ARHGAP20: variants seen among roughly 807,000 people sequenced by gnomAD.
ARHGAP20 encodes the protein Rho GTPase activating protein 20.
ARHGAP20 carries 34 observed loss-of-function variants against 73.7 expected under a neutral mutation model. The ratio of observed to expected loss-of-function variants is 0.46; its 90% CI spans 0.35 to 0.61. The LOEUF is 0.61. Ranked by LOEUF, ARHGAP20 falls within the 20% of genes least tolerant of loss-of-function variation. ARHGAP20 has a pLI of 0.00. For synonymous variants in ARHGAP20, 523 were observed against 518.2 expected (o/e 1.01, Z -0.13); for missense variants, 1,314 against 1,420.9 (o/e 0.92, Z 1.21).
At chr11:110,599,543 G>A (rs1179345859) in intron 9 of ARHGAP20, among the ~76,000 whole-genome samples, 1 of 152,184 alleles carries the variant, frequency 6.6e-6, no homozygotes, top group Non-Finnish European at 1.5e-5. Context: ...GGCAGAAGGG[G>A]GTGAGTCCCT....
At chr11:110,586,385 G>C in intron 11 of ARHGAP20, 60 bp from the exon 12 acceptor site, 2 of 1,072,948 alleles carry the variant, frequency 1.9e-6, no homozygotes, top group East Asian at 2.6e-5. Flanking sequence ...ATATGTATTA[G>C]AGAAAGTAGA....
At chr11:110,621,956 C>A (rs895282256) in intron 4 of ARHGAP20, among the ~76,000 whole-genome samples, 1 of 152,192 alleles carries the variant, frequency 6.6e-6, no homozygotes, top group South Asian at 2.1e-4. Flanking sequence ...CGGCTCAGTT[C>A]GATTCTTTCA....
intron 9 of ARHGAP20, among the ~76,000 whole-genome samples, chr11:110,597,728 T>C (rs973081123): frequency 6.6e-6 from 1 of 152,228 alleles, no homozygotes; most frequent in African/African-American, 2.4e-5. Flanking sequence ...GAGGATAAAG[T>C]AGAAATTGAG....
chr11:110,611,505 C>A (rs3737492), intron 6 of ARHGAP20, 119 bp from the exon 7 acceptor site: 148,401 of 507,208 alleles, frequency 0.29, 23,320 homozygotes, highest in African/African-American at 0.43. Context: ...TGGACAAAGT[C>A]AAGCATAAGA....
rs565871345 is a variant in ARHGAP20 at position 110,627,715 on chromosome 11, C to T, written c.353+2913G>A. Among the ~76,000 whole-genome samples, 103 of 152,158 alleles carry T rather than the reference C, an allele frequency of 6.8e-4. 3 individuals are homozygous for T. Among genetic ancestry groups the T allele is most frequent in the Non-Finnish European group, 1.5e-4 (10 of 68,012 alleles). On this transcript the variant is annotated intron_variant, in intron 3 of 14. Coordinates refer to ENST00000683387, the MANE Select transcript of ARHGAP20 (RefSeq NM_001384657.1). ...AAAATATGATAATAGTGATGGCTTA[C>T]GAGGGTGTGAGGTAAATACAGTCAT...
chr11:110,630,493 G>T, intron 3 of ARHGAP20, 135 bp downstream of exon 3: 1 of 906,788 alleles, frequency 1.1e-6, no homozygotes, highest in Non-Finnish European at 1.7e-6. Context: ...GCAATGAAGG[G>T]CATAAAATCA....
At position 110,582,530 on chromosome 11, in the gene ARHGAP20, A is replaced by T. The variant is rs544516063; in HGVS notation, c.1606-95T>A. ...AATCCTGATTTTTAACAAAAACCAC[A>T]TCTACCCAGAGAAAAATTCATATCG... On this transcript the variant is annotated intron_variant, in intron 13 of 14. Transcript: ENST00000683387. 5.9e-4 allele frequency: 429 copies of T among 726,326 alleles called. 1 individual carries two copies. The highest frequency in any genetic ancestry group is 1.5e-3 in the Admixed American group (56 of 37,406). 45.0% of individuals were successfully genotyped at this position (726,326 alleles called of 1,614,324 possible).
intron 11 of ARHGAP20, among the ~76,000 whole-genome samples, chr11:110,587,041 A>G (rs937355805): frequency 2.0e-5 from 3 of 152,206 alleles, no homozygotes; most frequent in African/African-American, 7.2e-5. Context: ...ACCCTATTCT[A>G]CTGAGACCAC....
At chr11:110,627,482 T>A (rs1034098506) in intron 3 of ARHGAP20, among the ~76,000 whole-genome samples, 2 of 152,206 alleles carry the variant, frequency 1.3e-5, no homozygotes, top group East Asian at 3.8e-4. Flanking sequence ...ATCTTCATAC[T>A]GGAAAAAATT....
intron 2 of ARHGAP20, among the ~76,000 whole-genome samples, chr11:110,648,529 G>C (rs1949278722): frequency 6.8e-6 from 1 of 146,484 alleles, no homozygotes; most frequent in Non-Finnish European, 1.5e-5. Flanking sequence ...CTGTTGCCCA[G>C]GCTGAAGTGC....
intron 2 of ARHGAP20, among the ~76,000 whole-genome samples, chr11:110,681,009 G>T (rs984580241): frequency 6.6e-6 from 1 of 152,094 alleles, no homozygotes; most frequent in Non-Finnish European, 1.5e-5. Context: ...GTGGGGTTTT[G>T]CAGGCTACTG....
intron 1 of ARHGAP20, chr11:110,711,671 G>T: frequency 6.8e-7 from 1 of 1,463,964 alleles, no homozygotes; most frequent in South Asian, 1.3e-5. Context: ...CTTCAGCGCC[G>T]GCTGCCGCTC....
Position 110,609,004 on chromosome 11 carries a change from T to C in ARHGAP20, c.755A>G (p.Glu252Gly). ...YQLWVNSGKEEAPYPLIGHEY... is the reference protein window; with the variant it reads ...YQLWVNSGKEGAPYPLIGHEY... Reference sequence around the variant, plus strand: ...CTTACCAATGAGTGGGTATGGAGCCTCTTCTTTGCCAGAATTGACCCACAA... The same window carrying C: ...CTTACCAATGAGTGGGTATGGAGCCCCTTCTTTGCCAGAATTGACCCACAA... Residue 252 changes from glutamate (E) to glycine (G), a missense_variant, in exon 8 of 15, where the codon GAG (glutamate) becomes GGG (glycine). Physicochemically the swap from Glu to Gly is moderately conservative, Grantham distance 98. Transcript: ENST00000683387. The C allele has an allele frequency of 6.2e-7, 1 of 1,613,720 alleles. No homozygotes were observed. The highest frequency in any genetic ancestry group is 8.5e-7 in the Non-Finnish European group (1 of 1,179,680).
At chr11:110,678,023 T>C (rs1380566560) in intron 2 of ARHGAP20, among the ~76,000 whole-genome samples, 4 of 152,330 alleles carry the variant, frequency 2.6e-5, no homozygotes, top group African/African-American at 9.6e-5. Flanking sequence ...TACCTATCTA[T>C]AAAACAGAAA....
At chr11:110,689,685 A>G (rs1950204730) in intron 2 of ARHGAP20, among the ~76,000 whole-genome samples, 1 of 152,130 alleles carries the variant, frequency 6.6e-6, no homozygotes, top group South Asian at 2.1e-4. Context: ...CCATCAGTTG[A>G]TGGTCGGTGG....
At chr11:110,667,613 A>C (rs1231373047) in intron 2 of ARHGAP20, among the ~76,000 whole-genome samples, 1 of 152,174 alleles carries the variant, frequency 6.6e-6, no homozygotes, top group African/African-American at 2.4e-5. Flanking sequence ...TTTGACTTTC[A>C]AGTCTTATAG....
rs1254398124 is a variant in ARHGAP20, at chr11:110,583,729, T to C, written c.1424A>G (p.Asp475Gly). ...EKINTVQRLL[D>G]QLPRANVVLL... ...AACAACATTGGCTCTCGGAAGCTGG[T>C]CTAATAGCCTAAAGACAGAAAAATT... Residue 475 changes from aspartate (D) to glycine (G), a missense_variant, in exon 13 of 15, where the codon GAC (aspartate) becomes GGC (glycine). Physicochemically the swap from Asp to Gly is moderately conservative, Grantham distance 94 (BLOSUM62 -1). Around this residue, in one of 3 missense-constraint regions of ARHGAP20, gnomAD observed 230 missense variants for 317.6 expected, o/e 0.72. Transcript: ENST00000683387. The C allele has an allele frequency of 6.4e-7, 1 of 1,572,984 alleles. No individual in the cohort carries two copies.
rs754234739 is a variant in ARHGAP20 at position 110,630,789 on chromosome 11, G to A, written c.192C>T (p.Asp64=). The A allele has an allele frequency of 1.9e-6, 3 of 1,613,628 alleles. No homozygotes were observed. The South Asian group carries it at 3.3e-5, about 18-fold the overall frequency. ...ATGTGTCAACACTAGCAGAAGGACT[G>A]TCCCTGTAACAGATCAAATGCCACA... ...KALQKRPTTR[D]SPSASVDTCT... The change falls in exon 3 of 15, where the codon GAC becomes GAT. Residue 64 remains aspartate, a synonymous_variant. Coordinates refer to ENST00000683387, the MANE Select transcript of ARHGAP20 (RefSeq NM_001384657.1).
At chr11:110,651,281 G>A (rs1055000287) in intron 2 of ARHGAP20, among the ~76,000 whole-genome samples, 1 of 151,850 alleles carries the variant, frequency 6.6e-6, no homozygotes, top group Admixed American at 6.6e-5. Flanking sequence ...ACATCAAAAA[G>A]CTAGACAGAT....
Sources: allele counts gnomAD v4.1 joint callset (sites outside exome capture counted in the v4.1 genomes callset), GRCh38; gene constraint gnomAD v4.1.1; regional missense constraint gnomAD v4.1.1; transcripts MANE v1.5; gene names NCBI Gene and HGNC (gene_info 2026-07-23, HGNC 2026-07-21).